Variants in CPQ observed in about 807,000 individuals in gnomAD.
CPQ encodes the protein Ser-Met dipeptidase.
A neutral mutation model predicts 45.7 loss-of-function variants in CPQ; 37 were observed. The observed-to-expected ratio is 0.81, with a 90% confidence interval of 0.62 to 1.07. The LOEUF is 1.07. Ranked by LOEUF, CPQ falls within the 50% of genes least tolerant of loss-of-function variation. The pLI, the probability that CPQ is intolerant of heterozygous loss-of-function variation, is 0.00. For missense variants in CPQ, 537 were observed against 572.9 expected, an observed-to-expected ratio of 0.94 and a Z score of 0.64; for synonymous variants, 186 against 205.8, an observed-to-expected ratio of 0.90 and a Z score of 0.82.
At chr8:96,734,794 G>A (rs973174193) in intron 1 of CPQ, among the ~76,000 whole-genome samples, 1 of 151,838 alleles carries the variant, frequency 6.6e-6, no homozygotes, top group Non-Finnish European at 1.5e-5. Flanking sequence ...AACTTCCCAG[G>A]CTTTTATACT....
chr8:96,795,032 A>G (rs555517824), intron 2 of CPQ, among the ~76,000 whole-genome samples: 149 of 151,646 alleles, frequency 9.8e-4, no homozygotes, highest in Admixed American at 3.2e-3. Context: ...TACTATTCCA[A>G]CCTCTGCCTG....
At chr8:96,662,725 G>A (rs1808848967) in intron 1 of CPQ, among the ~76,000 whole-genome samples, 2 of 152,150 alleles carry the variant, frequency 1.3e-5, no homozygotes, top group African/African-American at 4.8e-5. Flanking sequence ...CAGGTGTGGT[G>A]GCTCATGCAT....
rs144323877 is a variant in CPQ at position 96,879,314 on chromosome 8, T to A, written c.642-484T>A. ...TTCCTGCGTGGTGTTCTACCACCAA[T>A]GTGGAGTTATAGATTTAGACCTCTG... On this transcript the variant is annotated intron_variant, in intron 3 of 7. Transcript: ENST00000220763. 3.9e-4 allele frequency among the ~76,000 whole-genome samples: 59 copies of A among 152,344 alleles called. No homozygotes were observed. The East Asian group carries it at 0.011, about 28-fold the overall frequency.
chr8:96,724,234 T>C (rs966733778), intron 1 of CPQ, among the ~76,000 whole-genome samples: 1 of 152,130 alleles, frequency 6.6e-6, no homozygotes, highest in South Asian at 2.1e-4. Context: ...AATTCAGTAT[T>C]ATACTGCTCA....
intron 3 of CPQ, among the ~76,000 whole-genome samples, chr8:96,878,167 C>T (rs1343451876): frequency 6.6e-6 from 1 of 152,068 alleles, no homozygotes; most frequent in Non-Finnish European, 1.5e-5. Context: ...GGGGTTTCCC[C>T]ATGTTGGCCA....
At chr8:97,060,491 A>G (rs1253726331) in intron 6 of CPQ, among the ~76,000 whole-genome samples, 1 of 152,166 alleles carries the variant, frequency 6.6e-6, no homozygotes, top group Non-Finnish European at 1.5e-5. Flanking sequence ...TTACATGGTA[A>G]TGAATGACAG....
chr8:96,687,251 C>T (rs970385135), intron 1 of CPQ, among the ~76,000 whole-genome samples: 3 of 150,132 alleles, frequency 2.0e-5, no homozygotes, highest in Non-Finnish European at 3.0e-5. Flanking sequence ...CTTGCTTTGT[C>T]ACCCAGGCTG....
Position 96,944,187 on chromosome 8 carries a change from C to T in CPQ, c.850-21748C>T, listed in dbSNP as rs867594097. On this transcript the variant is annotated intron_variant, in intron 4 of 7. Transcript: ENST00000220763. ...ATTGATATTGCTTAGTACTGAATCC[C>T]GGAGTTCTGTCTATGATCAAAATAT... 5.3e-5 allele frequency among the ~76,000 whole-genome samples: 8 copies of T among 151,948 alleles called. No homozygotes were observed. In the East Asian group the frequency reaches 5.8e-4, roughly 11 times the overall value.
chr8:96,749,820 A>T (rs1810235746), intron 1 of CPQ, among the ~76,000 whole-genome samples: 1 of 152,116 alleles, frequency 6.6e-6, no homozygotes, highest in Non-Finnish European at 1.5e-5. Flanking sequence ...AAAATGTTAA[A>T]GGTGTTTATA....
intron 2 of CPQ, among the ~76,000 whole-genome samples, chr8:96,831,797 C>T (rs946449505): frequency 6.6e-6 from 1 of 152,194 alleles, no homozygotes; most frequent in African/African-American, 2.4e-5. Context: ...AGAAGAGATG[C>T]TGTCATCTGT....
intron 1 of CPQ, among the ~76,000 whole-genome samples, chr8:96,695,883 C>A (rs1257628153): frequency 1.3e-5 from 2 of 149,794 alleles, no homozygotes; most frequent in Admixed American, 6.6e-5. Context: ...GTCAGTGTGG[C>A]GATTCCTCAG....
chr8:96,894,960 C>T (rs549396052), intron 4 of CPQ, among the ~76,000 whole-genome samples: 44 of 152,298 alleles, frequency 2.9e-4, no homozygotes, highest in African/African-American at 1.0e-3. Context: ...TGCTAACCAA[C>T]TGAATTTTTA....
chr8:97,035,542 T>G (rs998681037), intron 6 of CPQ, among the ~76,000 whole-genome samples: 5 of 152,184 alleles, frequency 3.3e-5, no homozygotes, highest in African/African-American at 9.7e-5. Context: ...TTAGCCTTTT[T>G]ATTTTTAGCC....
intron 3 of CPQ, among the ~76,000 whole-genome samples, chr8:96,868,168 A>G: frequency 6.6e-6 from 1 of 152,098 alleles, no homozygotes; most frequent in East Asian, 1.9e-4. Context: ...TGAGGCCAAC[A>G]TAAACACCTA....
chr8:96,963,060 G>A (rs1586469368), intron 4 of CPQ, among the ~76,000 whole-genome samples: 1 of 152,100 alleles, frequency 6.6e-6, no homozygotes, highest in Admixed American at 6.6e-5. Flanking sequence ...ACCAGTTTAA[G>A]TAACAGTAAG....
intron 4 of CPQ, among the ~76,000 whole-genome samples, chr8:96,919,318 C>T (rs1043862040): frequency 1.2e-4 from 19 of 152,106 alleles, no homozygotes. Context: ...GCTTCCACGT[C>T]ATTCTGTCTG....
intron 4 of CPQ, among the ~76,000 whole-genome samples, chr8:96,945,697 T>C (rs1433008675): frequency 6.6e-6 from 1 of 152,194 alleles, no homozygotes. Context: ...AAATAATCTG[T>C]TTAATGATAT....
chr8:96,692,345 G>A (rs1809315880), intron 1 of CPQ, among the ~76,000 whole-genome samples: 1 of 152,162 alleles, frequency 6.6e-6, no homozygotes, highest in Admixed American at 6.5e-5. Flanking sequence ...GCAAACATAG[G>A]CAGTGGTCAG....
At chr8:96,893,548 C>T (rs1268804420) in intron 4 of CPQ, among the ~76,000 whole-genome samples, 1 of 152,100 alleles carries the variant, frequency 6.6e-6, no homozygotes, top group East Asian at 1.9e-4. Flanking sequence ...GATATTGTCC[C>T]ACATAATCCC....
Sources: gnomAD v4.1 joint callset for allele counts (sites outside exome capture counted in the v4.1 genomes callset) on GRCh38, gnomAD v4.1.1 for gene constraint, MANE v1.5 for transcripts, NCBI Gene and HGNC (gene_info 2026-07-23, HGNC 2026-07-21) for gene names.